The following FRMD5 variants were observed in gnomAD, a reference collection of about 807,000 sequenced individuals.
The protein encoded by FRMD5 is FERM domain-containing protein 5.
A neutral mutation model predicts 69.0 loss-of-function variants in FRMD5; 20 were observed. That is an observed-to-expected ratio of 0.29 (90% confidence interval 0.20 to 0.42). FRMD5 has a LOEUF of 0.42. FRMD5 is among the 10% of genes least tolerant of loss of function. The pLI is 1.00. For missense variants in FRMD5, 595 were observed against 708.6 expected (o/e 0.84, Z 1.82); for synonymous variants, 271 against 260.1 (o/e 1.04, Z -0.40).
At chr15:44,174,138 C>G (rs1263382330) in intron 1 of FRMD5, among the ~76,000 whole-genome samples, 1 of 152,100 alleles carries the variant, frequency 6.6e-6, no homozygotes, top group Non-Finnish European at 1.5e-5. Context: ...AAATTCTGCT[C>G]AATGTAACCA....
At chr15:43,940,584 A>C (rs1185843002) in intron 1 of FRMD5, among the ~76,000 whole-genome samples, 3 of 152,224 alleles carry the variant, frequency 2.0e-5, no homozygotes, top group Admixed American at 2.0e-4. Flanking sequence ...CGTCGGTTGC[A>C]GATCAATATG....
intron 1 of FRMD5, among the ~76,000 whole-genome samples, chr15:43,964,118 G>C (rs1390263227): frequency 6.6e-6 from 1 of 152,008 alleles, no homozygotes; most frequent in African/African-American, 2.4e-5. Flanking sequence ...AAAAGCATTT[G>C]TGAATGCAAC....
At chr15:43,958,097 T>C (rs2930524) in intron 1 of FRMD5, among the ~76,000 whole-genome samples, 15,927 of 152,282 alleles carry the variant, frequency 0.1, 1,611 homozygotes, top group African/African-American at 0.26. Context: ...CTTGGTCTTA[T>C]TTATGATACA....
At chr15:44,142,477 A>G (rs1018630020) in intron 1 of FRMD5, among the ~76,000 whole-genome samples, 1 of 152,228 alleles carries the variant, frequency 6.6e-6, no homozygotes, top group African/African-American at 2.4e-5. Flanking sequence ...CTGAAAAATT[A>G]GCACAAGTTA....
chr15:44,102,438 C>A (rs1343242442), intron 1 of FRMD5, among the ~76,000 whole-genome samples: 1 of 152,092 alleles, frequency 6.6e-6, no homozygotes, highest in African/African-American at 2.4e-5. Flanking sequence ...TAAGAATGTA[C>A]TTCTGGTAAA....
chr15:43,967,311 C>T (rs1395615912), intron 1 of FRMD5, among the ~76,000 whole-genome samples: 1 of 151,904 alleles, frequency 6.6e-6, no homozygotes, highest in Non-Finnish European at 1.5e-5. Context: ...CACCTCACTA[C>T]AACCTCCACC....
intron 1 of FRMD5, among the ~76,000 whole-genome samples, chr15:44,146,161 A>G (rs114101826): frequency 0.022 from 3,392 of 152,082 alleles, 142 homozygotes; most frequent in African/African-American, 0.078. Context: ...TTCCCTTGCC[A>G]TCCCCCAACA....
At chr15:43,933,088 CA>C (rs1455685364) in intron 1 of FRMD5, among the ~76,000 whole-genome samples, 1 of 152,188 alleles carries the variant, frequency 6.6e-6, no homozygotes, top group Non-Finnish European at 1.5e-5. Context: ...ACTGGAACAA[CA>C]ATAGTGAGAG....
intron 5 of FRMD5, among the ~76,000 whole-genome samples, chr15:43,907,289 A>G (rs908174710): frequency 1.3e-5 from 2 of 152,248 alleles, no homozygotes; most frequent in East Asian, 3.9e-4. Flanking sequence ...CTACAAACCT[A>G]CTCACTGTAT....
chr15:44,032,720 G>A (rs1354398978), intron 1 of FRMD5, among the ~76,000 whole-genome samples: 1 of 152,228 alleles, frequency 6.6e-6, no homozygotes, highest in African/African-American at 2.4e-5. Flanking sequence ...TTGTGAGGTT[G>A]TGGAGAAAAG....
intron 1 of FRMD5, among the ~76,000 whole-genome samples, chr15:43,996,160 G>C (rs1008559376): frequency 6.6e-6 from 1 of 151,888 alleles, no homozygotes; most frequent in Admixed American, 6.5e-5. Context: ...CTGCAGACTA[G>C]GTCTGCAGGG....
At chr15:44,170,938 AG>A (rs1219020431) in intron 1 of FRMD5, among the ~76,000 whole-genome samples, 1 of 152,242 alleles carries the variant, frequency 6.6e-6, no homozygotes, top group Non-Finnish European at 1.5e-5. Flanking sequence ...TATTTTAGAA[AG>A]CCATTCCATG....
upstream of FRMD5, among the ~76,000 whole-genome samples, chr15:44,197,068 G>A (rs937977109): frequency 3.4e-4 from 51 of 152,164 alleles, no homozygotes; most frequent in African/African-American, 1.1e-3. Context: ...GGGTGTGGTG[G>A]CATGCGCCCG....
intron 1 of FRMD5, among the ~76,000 whole-genome samples, chr15:44,069,751 T>C (rs1893456054): frequency 6.6e-6 from 1 of 152,160 alleles, no homozygotes; most frequent in Non-Finnish European, 1.5e-5. Context: ...TCATTGTCAG[T>C]ATCTTGACTA....
rs369203057 is a variant in FRMD5, at chr15:44,015,774, G to A, written c.103-91465C>T. 4.6e-5 allele frequency among the ~76,000 whole-genome samples: 7 copies of A among 152,256 alleles called. No homozygotes were observed. The South Asian group carries it at 6.2e-4, about 14-fold the overall frequency. The stretch of plus-strand genomic sequence containing the variant: ...ATGTTCATTAAATGAGAAAGGTTAC[G>A]TCATACTGAAGGACTATGCACTTAC... On this transcript the variant is annotated intron_variant, in intron 1 of 13. Transcript: ENST00000417257.
chr15:44,092,050 A>G (rs1404206463), intron 1 of FRMD5, among the ~76,000 whole-genome samples: 11 of 152,322 alleles, frequency 7.2e-5, no homozygotes, highest in African/African-American at 2.6e-4. Flanking sequence ...TAATTTAAAA[A>G]GCAAGGGGAA....
chr15:44,125,737 G>A (rs994126090), intron 1 of FRMD5, among the ~76,000 whole-genome samples: 5 of 152,096 alleles, frequency 3.3e-5, no homozygotes, highest in East Asian at 1.9e-4. Context: ...TCCAAATTCC[G>A]ACATCATTTT....
At chr15:44,051,340 C>T (rs1266973838) in intron 1 of FRMD5, among the ~76,000 whole-genome samples, 1 of 146,544 alleles carries the variant, frequency 6.8e-6, no homozygotes. Context: ...TTAGTAGAGA[C>T]GGGGTTTTAC....
At chr15:44,081,244 G>A (rs1358786399) in intron 1 of FRMD5, among the ~76,000 whole-genome samples, 1 of 152,024 alleles carries the variant, frequency 6.6e-6, no homozygotes, top group Admixed American at 6.6e-5. Context: ...AGTTAATTAA[G>A]TTTACATAAT....
Sources: allele counts gnomAD v4.1 joint callset (sites outside exome capture counted in the v4.1 genomes callset), GRCh38; gene constraint gnomAD v4.1.1; transcripts MANE v1.5; gene names NCBI Gene and HGNC (gene_info 2026-07-23, HGNC 2026-07-21).